The following THSD7B variants were observed in gnomAD, a reference collection of about 807,000 sequenced individuals.
THSD7B encodes thrombospondin type-1 domain-containing protein 7B.
THSD7B carries 138 observed loss-of-function variants against 213.6 expected under a neutral mutation model. The ratio of observed to expected loss-of-function variants is 0.65; its 90% CI spans 0.56 to 0.74. The LOEUF is 0.74. Ranked by LOEUF, THSD7B falls within the 30% of genes least tolerant of loss-of-function variation. The probability of loss-of-function intolerance (pLI) is 0.00; values close to 1 mark genes in which losing one functional copy is unlikely to be tolerated. For missense variants in THSD7B, 1,931 were observed against 1,991.5 expected (o/e 0.97, Z 0.58); for synonymous variants, 742 against 687.0 (o/e 1.08, Z -1.25).
intron 7 of THSD7B, among the ~76,000 whole-genome samples, chr2:137,216,711 T>G (rs1681252774): frequency 6.6e-6 from 1 of 152,170 alleles, no homozygotes. Context: ...CTTTCATAGT[T>G]TGTGAAATTT....
intron 12 of THSD7B, among the ~76,000 whole-genome samples, chr2:137,309,912 G>C (rs1481242611): frequency 6.6e-6 from 1 of 152,050 alleles, no homozygotes. Context: ...ATCATTGTTG[G>C]ACATTTGGGT....
chr2:137,475,261 A>T (rs1381385690), intron 15 of THSD7B, among the ~76,000 whole-genome samples: 1 of 152,220 alleles, frequency 6.6e-6, no homozygotes, highest in Non-Finnish European at 1.5e-5. Context: ...TGTTACATGC[A>T]TAGAATGTGT....
intron 15 of THSD7B, among the ~76,000 whole-genome samples, chr2:137,473,977 G>A (rs1024690619): frequency 1.3e-5 from 2 of 152,162 alleles, no homozygotes; most frequent in South Asian, 2.1e-4. Context: ...GATGTGCCAC[G>A]TTAGTCATAA....
chr2:137,062,416 G>A (rs1359875795), intron 3 of THSD7B, among the ~76,000 whole-genome samples: 2 of 151,332 alleles, frequency 1.3e-5, no homozygotes, highest in Non-Finnish European at 3.0e-5. Context: ...TCCTAAGGTG[G>A]AAACTTAGGT....
intron 9 of THSD7B, among the ~76,000 whole-genome samples, chr2:137,239,578 A>G (rs1254635993): frequency 6.6e-6 from 1 of 152,196 alleles, no homozygotes; most frequent in Non-Finnish European, 1.5e-5. Context: ...TATTTTTCAC[A>G]GAAGAGCCAT....
chr2:137,104,929 CA>C lies in THSD7B; in HGVS notation c.1199+9815del, dbSNP rs537381676. Among the ~76,000 whole-genome samples, 15 of 152,216 alleles carry C rather than the reference CA, an allele frequency of 9.9e-5. 1 individual carries two copies. The highest frequency in any genetic ancestry group is 2.6e-4 in the Admixed American group (4 of 15,294). On this transcript the variant is annotated intron_variant, in intron 4 of 27. Transcript: ENST00000409968. ...AGGCAATAATTAATAGCCTACCAAC[CA>C]AAAAAATTGCAGGACCAAACGGATT...
intron 12 of THSD7B, among the ~76,000 whole-genome samples, chr2:137,360,754 T>A (rs1410860239): frequency 6.6e-6 from 1 of 152,208 alleles, no homozygotes; most frequent in East Asian, 1.9e-4. Context: ...CCTGCCTGCC[T>A]CTGTACACCC....
At chr2:137,314,918 GACAGGGACATTT>G (rs1262501959) in intron 12 of THSD7B, among the ~76,000 whole-genome samples, 10 of 152,226 alleles carry the variant, frequency 6.6e-5, no homozygotes, top group Admixed American at 1.3e-4. Context: ...AACGCTGTCA[GACAGGGACATTT>G]AAGTCTGCAG....
intron 24 of THSD7B, among the ~76,000 whole-genome samples, chr2:137,658,670 G>A (rs1011360420): frequency 3.3e-5 from 5 of 152,100 alleles, no homozygotes; most frequent in Non-Finnish European, 5.9e-5. Flanking sequence ...ACACCTAGAT[G>A]CTAATTCTGG....
chr2:137,538,905 C>A (rs528319230), intron 15 of THSD7B, among the ~76,000 whole-genome samples: 7 of 151,622 alleles, frequency 4.6e-5, no homozygotes, highest in African/African-American at 1.4e-4. Context: ...TCCAAACAGC[C>A]GAGAATTTTA....
At chr2:137,030,280 T>C (rs1426943736) in intron 2 of THSD7B, among the ~76,000 whole-genome samples, 2 of 152,186 alleles carry the variant, frequency 1.3e-5, no homozygotes, top group Non-Finnish European at 2.9e-5. Flanking sequence ...TTTTTTAATA[T>C]ACAAATAGAT....
chr2:137,642,447 C>A, intron 20 of THSD7B, 41 bp from the exon 21 acceptor site: 1 of 1,608,520 alleles, frequency 6.2e-7, no homozygotes, highest in Non-Finnish European at 8.5e-7. Context: ...CCTTTCCAAG[C>A]CAAACTAACT....
intron 17 of THSD7B, among the ~76,000 whole-genome samples, chr2:137,575,742 A>ATATATATATATATATATATT (rs1235744133): frequency 0.017 from 2,507 of 147,084 alleles, 46 homozygotes; most frequent in East Asian, 0.034. Context: ...ATATATATAT[A>ATATATATATATATATATATT]TTTTTACTTT....
chr2:137,605,648 CTTTTTTTTTTTTTTTTTTTTTTTTT>C (rs34604281), intron 17 of THSD7B, among the ~76,000 whole-genome samples: 61 of 69,018 alleles, frequency 8.8e-4, no homozygotes, highest in Non-Finnish European at 1.3e-3. Flanking sequence ...GCACTTCGCA[CTTTTTTTTTTTTTTTTTTTTTTTTT>C]TTTTTTTTTT....
At chr2:137,176,787 T>C (rs535621803) in intron 7 of THSD7B, among the ~76,000 whole-genome samples, 1 of 152,332 alleles carries the variant, frequency 6.6e-6, no homozygotes, top group South Asian at 2.1e-4. Flanking sequence ...TTCTTCTCAG[T>C]TGAAATAGCC....
At chr2:136,912,334 A>AAT (rs1684275661) in intron 2 of THSD7B, among the ~76,000 whole-genome samples, 1 of 149,190 alleles carries the variant, frequency 6.7e-6, no homozygotes, top group Middle Eastern at 3.5e-3. Flanking sequence ...AAAAAAAAAA[A>AAT]AAAAAAAAAA....
At chr2:137,377,665 T>G (rs1685688160) in intron 12 of THSD7B, among the ~76,000 whole-genome samples, 1 of 152,026 alleles carries the variant, frequency 6.6e-6, no homozygotes, top group African/African-American at 2.4e-5. Flanking sequence ...CTCCTTCTGT[T>G]ACCCAGGCTG....
chr2:137,222,751 G>T (rs149921233), intron 7 of THSD7B, among the ~76,000 whole-genome samples: 1 of 152,156 alleles, frequency 6.6e-6, no homozygotes, highest in East Asian at 1.9e-4. Flanking sequence ...AGAGCCAGGC[G>T]TATAGAAGAG....
At chr2:137,221,171 C>T (rs1681361130) in intron 7 of THSD7B, among the ~76,000 whole-genome samples, 1 of 152,104 alleles carries the variant, frequency 6.6e-6, no homozygotes, top group Admixed American at 6.6e-5. Context: ...CCTGTAGTCC[C>T]AGCTATTCGG....
Sources: gnomAD v4.1 joint callset for allele counts (sites outside exome capture counted in the v4.1 genomes callset) on GRCh38, gnomAD v4.1.1 for gene constraint, MANE v1.5 for transcripts, NCBI Gene and HGNC (gene_info 2026-07-23, HGNC 2026-07-21) for gene names.